The following SYT1 variants were observed in gnomAD, a reference collection of about 807,000 sequenced individuals.
The protein encoded by SYT1 is synaptotagmin 1, also known as synaptotagmin-1.
In SYT1, 8 loss-of-function variants were observed where a neutral mutation model predicts 44.8. That is an observed-to-expected ratio of 0.18 (90% CI 0.10 to 0.32). SYT1 has a LOEUF of 0.32. Among genes scored for constraint, SYT1 ranks in the 10% least tolerant of loss-of-function variants. The probability of loss-of-function intolerance (pLI) is 1.00; values close to 1 mark genes in which losing one functional copy is unlikely to be tolerated. For synonymous variants in SYT1, 154 were observed against 188.8 expected, an observed-to-expected ratio of 0.82 and a Z score of 1.51; for missense variants, 286 against 509.3, an observed-to-expected ratio of 0.56 and a Z score of 4.22.
At chr12:78,883,074 C>T (rs529525753) in intron 1 of SYT1, among the ~76,000 whole-genome samples, 1 of 151,544 alleles carries the variant, frequency 6.6e-6, no homozygotes, top group South Asian at 2.1e-4. Context: ...ACTTGATTAC[C>T]CAGTTGAGAA....
At chr12:79,053,538 T>C (rs1874694686) in intron 3 of SYT1, among the ~76,000 whole-genome samples, 1 of 149,662 alleles carries the variant, frequency 6.7e-6, no homozygotes, top group Non-Finnish European at 1.5e-5. Flanking sequence ...TTCTTATATA[T>C]ATTATATAAA....
At chr12:79,079,415 T>A (rs1220056556) in intron 3 of SYT1, among the ~76,000 whole-genome samples, 1 of 152,126 alleles carries the variant, frequency 6.6e-6, no homozygotes, top group Non-Finnish European at 1.5e-5. Context: ...CATGTATTTG[T>A]GAGATTATTT....
intron 8 of SYT1, among the ~76,000 whole-genome samples, chr12:79,349,056 A>AGAAAGAAAGAAAGGAG (rs1882766307): frequency 5.6e-5 from 7 of 125,982 alleles, no homozygotes; most frequent in African/African-American, 1.8e-4. Context: ...AAAGAAAGAA[A>AGAAAGAAAGAAAGGAG]GGAGGGAGGG....
At chr12:79,301,959 T>G (rs1880173554) in intron 8 of SYT1, among the ~76,000 whole-genome samples, 1 of 152,168 alleles carries the variant, frequency 6.6e-6, no homozygotes, top group Non-Finnish European at 1.5e-5. Context: ...AGTTAGAAAC[T>G]TTTTCATTAT....
chr12:78,887,608 C>A (rs960265972), intron 1 of SYT1, among the ~76,000 whole-genome samples: 6 of 152,028 alleles, frequency 3.9e-5, no homozygotes, highest in African/African-American at 1.4e-4. Context: ...GGAGCTGGAA[C>A]ATATCCCCTA....
chr12:79,397,401 A>AT (rs578034753), intron 9 of SYT1, among the ~76,000 whole-genome samples: 97 of 150,862 alleles, frequency 6.4e-4, no homozygotes, highest in African/African-American at 2.3e-3. Context: ...GGATAATTTT[A>AT]TTTTTCTGTA....
Position 79,091,911 on chromosome 12 carries a change from G to A in SYT1, c.-18+44549G>A, listed in dbSNP as rs142544071. On this transcript the variant is annotated intron_variant, in intron 3 of 10. Coordinates refer to ENST00000261205, the MANE Select transcript of SYT1 (RefSeq NM_005639.3). ...ATACTTTGCCTAATAATTTACAGAAGTACAGCAAAATGATGATTAATCATA... is the reference window on the plus strand; with the variant it reads ...ATACTTTGCCTAATAATTTACAGAAATACAGCAAAATGATGATTAATCATA... 6.5e-3 allele frequency among the ~76,000 whole-genome samples: 995 copies of A among 152,014 alleles called. 2 individuals carry two copies. The highest frequency in any genetic ancestry group is 0.012 in the Non-Finnish European group (824 of 67,894).
Position 79,410,417 on chromosome 12 carries a change from T to C in SYT1, c.929-33656T>C, listed in dbSNP as rs1048908946. On this transcript the variant is annotated intron_variant, in intron 9 of 10. Transcript: ENST00000261205. ...ATGGGTTCTTAGTTTGTGTTTCTGG[T>C]TGGGCCAGTAAAGCCCCTTCCTCAT... Among the ~76,000 whole-genome samples the C allele has an allele frequency of 4.0e-5, 6 of 150,288 alleles. No homozygotes were observed. The Admixed American group carries it at 4.0e-4, about 10-fold the overall frequency.
intron 9 of SYT1, among the ~76,000 whole-genome samples, chr12:79,395,466 G>A (rs1429861961): frequency 1.3e-5 from 2 of 152,152 alleles, no homozygotes; most frequent in African/African-American, 2.4e-5. Flanking sequence ...TGATCCTCCA[G>A]CCTTGACCTC....
rs192762987 is a variant in SYT1, at chr12:79,415,477, T to A, written c.929-28596T>A. Among the ~76,000 whole-genome samples the A allele has an allele frequency of 2.0e-4, 31 of 152,310 alleles. No individual in the cohort carries two copies. In the East Asian group the frequency reaches 6.0e-3, roughly 29 times the overall value. On this transcript the variant is annotated intron_variant, in intron 9 of 10. Transcript: ENST00000261205. ...GTTCATATCAAAGAAAGGAATGTGC[T>A]GGAAAGTGGAGACAGTAAAGCCCCA...
chr12:78,890,347 A>T (rs2137072419), intron 1 of SYT1, among the ~76,000 whole-genome samples: 1 of 151,944 alleles, frequency 6.6e-6, no homozygotes, highest in South Asian at 2.1e-4. Flanking sequence ...TTTTAGATCA[A>T]GAAACAACAG....
At chr12:79,263,757 A>G (rs185999889) in intron 4 of SYT1, among the ~76,000 whole-genome samples, 266 of 152,214 alleles carry the variant, frequency 1.7e-3, no homozygotes, top group Non-Finnish European at 3.1e-3. Flanking sequence ...TCCTTTAGCT[A>G]TTTCACTATT....
At chr12:79,304,748 A>G (rs1304455013) in intron 8 of SYT1, among the ~76,000 whole-genome samples, 2 of 152,136 alleles carry the variant, frequency 1.3e-5, no homozygotes, top group African/African-American at 4.8e-5. Context: ...ATAAAATCTA[A>G]GTTTATCATG....
In SYT1 at chr12:79,139,888, A is replaced by G. The variant is rs1403621160; in HGVS notation, c.-17-77615A>G. ...TCCATTACCAAATTGTGCACAAAAT[A>G]TATCGCAGCTGGTGCTGCCACGTAT... On this transcript the variant is annotated intron_variant, in intron 3 of 10. Coordinates refer to ENST00000261205, the MANE Select transcript of SYT1 (RefSeq NM_005639.3). Among the ~76,000 whole-genome samples, 3 of 152,316 alleles carry G rather than the reference A, an allele frequency of 2.0e-5. No individual in the cohort carries two copies. In the East Asian group the frequency reaches 5.8e-4, roughly 29 times the overall value.
At chr12:79,412,489 C>A (rs1202411134) in intron 9 of SYT1, among the ~76,000 whole-genome samples, 1 of 152,070 alleles carries the variant, frequency 6.6e-6, no homozygotes, top group Non-Finnish European at 1.5e-5. Context: ...TGGCTGCAAC[C>A]AATTATTATT....
At chr12:79,048,450 A>G (rs892485784) in intron 3 of SYT1, among the ~76,000 whole-genome samples, 5 of 151,780 alleles carry the variant, frequency 3.3e-5, no homozygotes, top group African/African-American at 1.2e-4. Context: ...TCTGAAATAT[A>G]TTTTATTTAT....
chr12:79,255,506 C>T (rs1877464474), intron 4 of SYT1, among the ~76,000 whole-genome samples: 1 of 152,092 alleles, frequency 6.6e-6, no homozygotes. Context: ...TGGAACCAAG[C>T]CTGCAATATC....
intron 4 of SYT1, among the ~76,000 whole-genome samples, chr12:79,283,482 G>A (rs941344348): frequency 6.6e-6 from 1 of 151,946 alleles, no homozygotes; most frequent in Non-Finnish European, 1.5e-5. Context: ...AATCATCTTT[G>A]TCTTGTCTTG....
At chr12:78,921,993 TAA>T (rs3065426) in intron 1 of SYT1, among the ~76,000 whole-genome samples, 32,295 of 148,882 alleles carry the variant, frequency 0.22, 4,262 homozygotes, top group East Asian at 0.51. Flanking sequence ...CTTTAAAGAA[TAA>T]AAAAAAAAAC....
Sources: gnomAD v4.1 joint callset for allele counts (sites outside exome capture counted in the v4.1 genomes callset) on GRCh38, gnomAD v4.1.1 for gene constraint, MANE v1.5 for transcripts, NCBI Gene and HGNC (gene_info 2026-07-23, HGNC 2026-07-21) for gene names.